ERICH1: variants seen among roughly 807,000 people sequenced by gnomAD.
The protein encoded by ERICH1 is glutamate-rich protein 1.
ERICH1 carries 56 observed loss-of-function variants against 39.6 expected under a neutral mutation model. The observed-to-expected ratio is 1.41, with a 90% CI of 1.14 to 1.77. The LOEUF (loss-of-function observed/expected upper bound fraction) is 1.77. Among genes scored for constraint, ERICH1 ranks in the 40% most tolerant of loss-of-function variants. The pLI is 0.00. For synonymous variants in ERICH1, 313 were observed against 223.6 expected, an observed-to-expected ratio of 1.40 and a Z score of -3.57; for missense variants, 826 against 575.4, an observed-to-expected ratio of 1.44 and a Z score of -4.45.
intron 3 of ERICH1, among the ~76,000 whole-genome samples, chr8:629,802 CCCT>C (rs1797860772): frequency 7.0e-6 from 1 of 142,222 alleles, no homozygotes; most frequent in Non-Finnish European, 1.5e-5. Flanking sequence ...CTGACTCACA[CCCT>C]CCTGTGAGCA....
intron 3 of ERICH1, chr8:656,853 C>G (rs1320431845): frequency 1.0e-6 from 1 of 985,252 alleles, no homozygotes; most frequent in East Asian, 1.1e-4. Context: ...CCAGCATGCT[C>G]CAGCCTAGAA....
chr8:623,336 C>T (rs941822540), intron 3 of ERICH1, among the ~76,000 whole-genome samples: 5 of 152,192 alleles, frequency 3.3e-5, no homozygotes, highest in African/African-American at 1.2e-4. Flanking sequence ...GGAAACTCAA[C>T]ACCCTTTCAT....
intron 3 of ERICH1, among the ~76,000 whole-genome samples, chr8:657,316 C>T (rs1800784782): frequency 6.6e-6 from 1 of 151,950 alleles, no homozygotes; most frequent in African/African-American, 2.4e-5. Flanking sequence ...GAGCTTATTG[C>T]AGGCTAGGAA....
intron 1 of ERICH1, among the ~76,000 whole-genome samples, chr8:724,391 T>A (rs1472542685): frequency 5.3e-5 from 8 of 152,184 alleles, no homozygotes; most frequent in Non-Finnish European, 1.5e-5. Flanking sequence ...TAACCAGCAT[T>A]TGTCGTATCA....
chr8:713,229 C>G (rs1442999916), intron 2 of ERICH1, among the ~76,000 whole-genome samples: 2 of 152,258 alleles, frequency 1.3e-5, no homozygotes, highest in African/African-American at 4.8e-5. Flanking sequence ...CAAACACAGT[C>G]ACATTCTGAA....
chr8:674,149 A>C (rs1487683808), intron 3 of ERICH1, 102 bp from the exon 4 acceptor site: 7 of 1,344,944 alleles, frequency 5.2e-6, no homozygotes, highest in Non-Finnish European at 6.9e-6. Context: ...GTTTTAGTAG[A>C]AAAAGAGTTT....
At position 692,522 on chromosome 8, in the gene ERICH1, C is replaced by G; in HGVS notation, c.260G>C (p.Ser87Thr). 1 of 1,614,090 alleles carries G rather than the reference C, an allele frequency of 6.2e-7. No homozygotes were observed. The highest frequency in any genetic ancestry group is 8.5e-7 in the Non-Finnish European group (1 of 1,179,984). Residue 87 changes from serine to threonine, a missense_variant, in exon 3 of 6, where the codon AGC becomes ACC. Transcript: ENST00000262109. ...GGAGGCGTTCTCGGGGCTCCCACAG[C>G]TGCTGGGCTCCGGCCAACAGGGGAC... is the stretch of plus-strand genomic sequence containing the variant. The part of the protein sequence containing the change: ...GYVPCWPEPS[S>T]CGSPENASSG...
In ERICH1 at chr8:674,061, T is replaced by C. The variant is rs757719561; in HGVS notation, c.305-14A>G. The C allele has an allele frequency of 1.2e-5, 18 of 1,520,942 alleles. No individual in the cohort carries two copies. In the African/African-American group the frequency reaches 2.4e-4, roughly 20 times the overall value. 94.2% of individuals were successfully genotyped at this position (1,520,942 alleles called of 1,614,324 possible). A position where few individuals can be genotyped will look rare whatever the true frequency, so the allele number is the denominator to read the frequency against. On this transcript the variant is annotated splice_polypyrimidine_tract_variant and intron_variant, in intron 3 of 5. Coordinates refer to ENST00000262109, the MANE Select transcript of ERICH1 (RefSeq NM_207332.3). The stretch of plus-strand genomic sequence containing the variant: ...GAGGATCCTGATCTGTTAAAAAAAT[T>C]CAAATATAACAATTTTCAGTACAAT...
chr8:711,099 A>G (rs1380475384), intron 2 of ERICH1, among the ~76,000 whole-genome samples: 1 of 152,188 alleles, frequency 6.6e-6, no homozygotes, highest in African/African-American at 2.4e-5. Flanking sequence ...CATTTCCCTG[A>G]TAACATATGA....
intron 3 of ERICH1, among the ~76,000 whole-genome samples, chr8:631,273 T>C (rs554157913): frequency 6.6e-6 from 1 of 152,336 alleles, no homozygotes; most frequent in Admixed American, 6.5e-5. Flanking sequence ...CCAGCCCCCG[T>C]GCCCCTGCTC....
chr8:698,448 A>C (rs1410414455), intron 2 of ERICH1, among the ~76,000 whole-genome samples: 2 of 151,994 alleles, frequency 1.3e-5, no homozygotes, highest in Non-Finnish European at 2.9e-5. Flanking sequence ...TGAACTCCTG[A>C]CCTCAAGTGA....
At chr8:658,592 C>T (rs1204775169) in intron 3 of ERICH1, among the ~76,000 whole-genome samples, 4 of 152,136 alleles carry the variant, frequency 2.6e-5, no homozygotes, top group Non-Finnish European at 5.9e-5. Flanking sequence ...TTGATCCTGG[C>T]CCCCGATGTG....
At chr8:630,854 A>G (rs1445944037) in intron 3 of ERICH1, among the ~76,000 whole-genome samples, 10 of 141,740 alleles carry the variant, frequency 7.1e-5, no homozygotes, top group East Asian at 4.4e-4. Context: ...CCACCCACTC[A>G]GACAGAGCTG....
At chr8:712,554 C>A (rs1259851404) in intron 2 of ERICH1, among the ~76,000 whole-genome samples, 1 of 152,116 alleles carries the variant, frequency 6.6e-6, no homozygotes. Context: ...CTCAGCCTCT[C>A]GAGTAGCTGG....
chr8:639,417 G>A (rs114634317), intron 3 of ERICH1, among the ~76,000 whole-genome samples: 38 of 152,200 alleles, frequency 2.5e-4, no homozygotes, highest in African/African-American at 8.9e-4. Flanking sequence ...AAATAAATGA[G>A]GAGATGATTT....
intron 5 of ERICH1, chr8:668,384 G>T: frequency 3.4e-6 from 2 of 593,390 alleles, no homozygotes; most frequent in Non-Finnish European, 5.9e-6. Flanking sequence ...AACTTAGACT[G>T]CACATGCATT....
chr8:628,963 G>C (rs1350956295), intron 3 of ERICH1, among the ~76,000 whole-genome samples: 3 of 152,106 alleles, frequency 2.0e-5, no homozygotes, highest in Admixed American at 6.5e-5. Context: ...AGGTGGGAGG[G>C]AGGGCCCGGC....
intron 3 of ERICH1, among the ~76,000 whole-genome samples, chr8:638,099 T>A (rs988777695): frequency 3.3e-5 from 5 of 152,222 alleles, no homozygotes; most frequent in Non-Finnish European, 7.4e-5. Flanking sequence ...GGGGCAGCAG[T>A]CAGGCTGCGG....
At chr8:651,230 G>A (rs1440967676) in intron 3 of ERICH1, among the ~76,000 whole-genome samples, 1 of 152,214 alleles carries the variant, frequency 6.6e-6, no homozygotes. Context: ...GTCCAGGGTT[G>A]GGAAGAGAAG....
Sources: gnomAD v4.1 joint callset for allele counts (sites outside exome capture counted in the v4.1 genomes callset) on GRCh38, gnomAD v4.1.1 for gene constraint, MANE v1.5 for transcripts, NCBI Gene and HGNC (gene_info 2026-07-23, HGNC 2026-07-21) for gene names.